Variants in ATG7 observed in about 807,000 individuals in gnomAD.
ATG7 encodes autophagy related 7.
Under a neutral mutation model 82.4 loss-of-function variants are expected in ATG7, and 70 were observed. The observed-to-expected ratio is 0.85, with a 90% CI of 0.70 to 1.04. The LOEUF is 1.04. Ranked by LOEUF, ATG7 falls within the 50% of genes least tolerant of loss-of-function variation. The pLI, the probability that ATG7 is intolerant of heterozygous loss-of-function variation, is 0.00. For missense variants in ATG7, 792 were observed against 864.3 expected (o/e 0.92, Z 1.05); for synonymous variants, 287 against 313.0 (o/e 0.92, Z 0.88).
At chr3:11,340,296 C>G (rs995594326) in intron 11 of ATG7, among the ~76,000 whole-genome samples, 7 of 151,904 alleles carry the variant, frequency 4.6e-5, no homozygotes, top group Non-Finnish European at 8.8e-5. Flanking sequence ...TTATACCTAC[C>G]CCAGAAAAGA....
intron 4 of ATG7, 200 bp downstream of exon 4, chr3:11,299,055 G>C: frequency 1.6e-6 from 1 of 643,676 alleles, no homozygotes; most frequent in Non-Finnish European, 2.6e-6. Flanking sequence ...AAGAAAGAGA[G>C]TAGTGAAACT....
In ATG7 at chr3:11,361,806, A is replaced by G. The variant is rs952219239; in HGVS notation, c.1684-1007A>G. On this transcript the variant is annotated intron_variant, in intron 16 of 20. Transcript: ENST00000693202. Reference sequence around the variant, plus strand: ...ACTACACTGTACAAATTAAGATTCTATGACTTTCAGAACTCCACACAAGTC... The same window carrying G: ...ACTACACTGTACAAATTAAGATTCTGTGACTTTCAGAACTCCACACAAGTC... Among the ~76,000 whole-genome samples the G allele has an allele frequency of 5.3e-5, 8 of 152,314 alleles. No homozygotes were observed. The East Asian group carries it at 1.2e-3, about 22-fold the overall frequency.
chr3:11,328,518 T>A (rs930218343), intron 9 of ATG7, among the ~76,000 whole-genome samples: 3 of 152,146 alleles, frequency 2.0e-5, no homozygotes, highest in Admixed American at 1.3e-4. Flanking sequence ...AGAAAAAAAA[T>A]GCTTCAATTT....
intron 20 of ATG7, among the ~76,000 whole-genome samples, chr3:11,451,086 T>C (rs1434640923): frequency 6.6e-6 from 1 of 151,928 alleles, no homozygotes; most frequent in Admixed American, 6.6e-5. Context: ...CTTAATGAAA[T>C]GAAAAAGACA....
At chr3:11,574,433 C>G in the ATG7 span, among the ~76,000 whole-genome samples, 111,896 of 152,008 alleles carry the variant, frequency 0.74, 41,203 homozygotes, top group Non-Finnish European at 0.76. Flanking sequence ...CAGAGCTGGG[C>G]AGGCCAAGTC....
chr3:11,324,463 C>A (rs1950593593), intron 9 of ATG7, among the ~76,000 whole-genome samples: 1 of 152,170 alleles, frequency 6.6e-6, no homozygotes, highest in African/African-American at 2.4e-5. Flanking sequence ...CTATTCGACG[C>A]CTGCCTTCTG....
At chr3:11,575,086 G>A in the ATG7 span, among the ~76,000 whole-genome samples, 3 of 152,192 alleles carry the variant, frequency 2.0e-5, no homozygotes, top group East Asian at 1.9e-4. Flanking sequence ...ACTTTACACC[G>A]AGGAAAAGTG....
chr3:11,552,044 C>T (rs779092819), intron 20 of ATG7, among the ~76,000 whole-genome samples: 12 of 152,224 alleles, frequency 7.9e-5, no homozygotes, highest in East Asian at 1.9e-4. Context: ...CCACCACGCC[C>T]GGCCTCTTTC....
Position 11,549,943 on chromosome 3 carries a change from CTT to C in ATG7, c.2080-4866_2080-4865del, listed in dbSNP as rs757868074. 2.6e-5 allele frequency among the ~76,000 whole-genome samples: 4 copies of C among 152,274 alleles called. No homozygotes were observed. In the South Asian group the frequency reaches 6.2e-4, roughly 24 times the overall value. ...TCCGAGGAGGTGGGGTGCACTGTCT[CTT>C]TATGGTTTTGATTTGCATTTCCCTG... is the stretch of plus-strand genomic sequence containing the variant. On this transcript the variant is annotated intron_variant, in intron 20 of 20. Coordinates refer to ENST00000693202, the MANE Select transcript of ATG7 (RefSeq NM_001349232.2).
intron 19 of ATG7, among the ~76,000 whole-genome samples, chr3:11,389,064 A>G (rs1485002141): frequency 6.6e-6 from 1 of 151,966 alleles, no homozygotes; most frequent in East Asian, 1.9e-4. Context: ...CCTGGCCAAC[A>G]TGGCGAAACC....
intron 20 of ATG7, among the ~76,000 whole-genome samples, chr3:11,428,527 A>G (rs1480423959): frequency 6.6e-6 from 1 of 152,216 alleles, no homozygotes; most frequent in African/African-American, 2.4e-5. Context: ...ACTTATGGCC[A>G]ATAGTTAGAG....
intron 20 of ATG7, among the ~76,000 whole-genome samples, chr3:11,544,079 G>C (rs116855941): frequency 3.9e-5 from 6 of 152,196 alleles, no homozygotes; most frequent in Non-Finnish European, 8.8e-5. Flanking sequence ...TCATCTGCCC[G>C]CACCAGCAGT....
chr3:11,520,206 C>T (rs1038571209), intron 20 of ATG7, among the ~76,000 whole-genome samples: 1 of 152,172 alleles, frequency 6.6e-6, no homozygotes. Context: ...AGCCAGGATT[C>T]GAACCCACTT....
intron 20 of ATG7, among the ~76,000 whole-genome samples, chr3:11,547,487 G>T (rs1207004138): frequency 1.3e-5 from 2 of 152,160 alleles, no homozygotes; most frequent in African/African-American, 4.8e-5. Flanking sequence ...CTGTGTTTGT[G>T]TACAAGTTTT....
At chr3:11,531,582 A>G (rs2092695066) in intron 20 of ATG7, among the ~76,000 whole-genome samples, 1 of 152,180 alleles carries the variant, frequency 6.6e-6, no homozygotes, top group African/African-American at 2.4e-5. Flanking sequence ...ATACCATAAA[A>G]ATGGTCTAGG....
At chr3:11,484,210 ACAGTAGAACCC>A (rs1216169327) in intron 20 of ATG7, among the ~76,000 whole-genome samples, 1 of 152,148 alleles carries the variant, frequency 6.6e-6, no homozygotes, top group African/African-American at 2.4e-5. Context: ...CCTGGCCAAT[ACAGTAGAACCC>A]CGTGTCTACC....
At chr3:11,495,029 A>G (rs1174964298) in intron 20 of ATG7, among the ~76,000 whole-genome samples, 1 of 151,664 alleles carries the variant, frequency 6.6e-6, no homozygotes, top group Non-Finnish European at 1.5e-5. Context: ...CCGAGATTGC[A>G]CCACTGCACT....
At chr3:11,380,529 T>C (rs936886602) in intron 19 of ATG7, among the ~76,000 whole-genome samples, 4 of 152,158 alleles carry the variant, frequency 2.6e-5, no homozygotes, top group African/African-American at 7.2e-5. Context: ...CTTTGATCTT[T>C]CCAGAAGCTC....
intron 10 of ATG7, among the ~76,000 whole-genome samples, chr3:11,332,152 G>A (rs1343737243): frequency 6.7e-6 from 1 of 149,398 alleles, no homozygotes; most frequent in Non-Finnish European, 1.5e-5. Flanking sequence ...ATAATGAAAT[G>A]AATAATAAAT....
Sources: gnomAD v4.1 joint callset for allele counts (sites outside exome capture counted in the v4.1 genomes callset) on GRCh38, gnomAD v4.1.1 for gene constraint, MANE v1.5 for transcripts, NCBI Gene and HGNC (gene_info 2026-07-23, HGNC 2026-07-21) for gene names.